The following SUGCT variants were observed in gnomAD, a reference collection of about 807,000 sequenced individuals.
SUGCT encodes the protein succinyl-CoA:glutarate CoA-transferase.
SUGCT carries 41 observed loss-of-function variants against 55.0 expected under a neutral mutation model. The observed-to-expected ratio is 0.74, with a 90% CI of 0.58 to 0.97. SUGCT has a LOEUF of 0.97. SUGCT is among the 50% of genes least tolerant of loss of function. SUGCT has a pLI of 0.00. For synonymous variants in SUGCT, 187 were observed against 200.4 expected (o/e 0.93, Z 0.56); for missense variants, 568 against 547.8 (o/e 1.04, Z -0.37).
At chr7:40,732,754 T>C (rs756159557) in intron 12 of SUGCT, among the ~76,000 whole-genome samples, 7 of 152,168 alleles carry the variant, frequency 4.6e-5, no homozygotes, top group Non-Finnish European at 1.0e-4. Context: ...GTGATATCCA[T>C]GTGACTATCC....
the SUGCT span, among the ~76,000 whole-genome samples, chr7:40,890,476 G>C: frequency 8.5e-4 from 128 of 151,158 alleles, no homozygotes; most frequent in African/African-American, 3.1e-3. Context: ...CATGGACCCA[G>C]GCTTCTGCCC....
chr7:40,571,498 C>G (rs1796446030), intron 12 of SUGCT, among the ~76,000 whole-genome samples: 2 of 152,092 alleles, frequency 1.3e-5, no homozygotes, highest in Non-Finnish European at 2.9e-5. Context: ...AAATTCTATA[C>G]TTTCTGTATA....
intron 12 of SUGCT, among the ~76,000 whole-genome samples, chr7:40,514,332 C>T (rs1410428155): frequency 2.0e-5 from 3 of 151,996 alleles, no homozygotes; most frequent in African/African-American, 7.3e-5. Flanking sequence ...CTGTGCAAGG[C>T]ATTATGCTAA....
intron 12 of SUGCT, among the ~76,000 whole-genome samples, chr7:40,512,310 A>G (rs1792972798): frequency 6.6e-6 from 1 of 152,184 alleles, no homozygotes; most frequent in South Asian, 2.1e-4. Context: ...TCACCTGGGA[A>G]ACTTTCCCAA....
intron 1 of SUGCT, among the ~76,000 whole-genome samples, chr7:40,148,038 C>T (rs1384137526): frequency 6.6e-6 from 1 of 152,066 alleles, no homozygotes; most frequent in African/African-American, 2.4e-5. Flanking sequence ...AGGGTTAGAC[C>T]GCACAGGCTA....
intron 8 of SUGCT, among the ~76,000 whole-genome samples, chr7:40,302,674 C>G (rs138779110): frequency 6.6e-6 from 1 of 152,164 alleles, no homozygotes; most frequent in African/African-American, 2.4e-5. Flanking sequence ...CTGAGCTTCA[C>G]CTTCCTTTAA....
intron 8 of SUGCT, among the ~76,000 whole-genome samples, chr7:40,304,647 T>C (rs1794745666): frequency 6.6e-6 from 1 of 150,828 alleles, no homozygotes; most frequent in Non-Finnish European, 1.5e-5. Flanking sequence ...CTTTGCATCC[T>C]CATAGCTTAA....
intron 6 of SUGCT, among the ~76,000 whole-genome samples, chr7:40,196,263 G>A (rs572843227): frequency 1.3e-5 from 2 of 152,254 alleles, no homozygotes; most frequent in South Asian, 4.1e-4. Context: ...ATAGAGAAAA[G>A]TGACTCATAA....
At chr7:40,669,760 A>T (rs1242401134) in intron 12 of SUGCT, among the ~76,000 whole-genome samples, 1 of 152,024 alleles carries the variant, frequency 6.6e-6, no homozygotes, top group Non-Finnish European at 1.5e-5. Context: ...TGGACGACAG[A>T]TAGAAAATAG....
At position 40,634,386 on chromosome 7, in the gene SUGCT, A is replaced by T. The variant is rs151059527; in HGVS notation, c.1090-115048A>T. Among the ~76,000 whole-genome samples the T allele has an allele frequency of 3.9e-5, 6 of 152,250 alleles. No homozygotes were observed. In the East Asian group the frequency reaches 1.2e-3, roughly 30 times the overall value. On this transcript the variant is annotated intron_variant, in intron 12 of 13. Transcript: ENST00000335693. The stretch of plus-strand genomic sequence containing the variant: ...GATGTCAAGGGCTGTGGTAGAAATG[A>T]TGTGGCCCAGAGAGGAATCAGCTAC...
intron 8 of SUGCT, among the ~76,000 whole-genome samples, chr7:40,299,382 A>G (rs1291762814): frequency 6.6e-6 from 1 of 152,208 alleles, no homozygotes; most frequent in African/African-American, 2.4e-5. Flanking sequence ...CAACTGGCTC[A>G]TTAAAACAAG....
chr7:40,392,831 T>G (rs1785518435), intron 9 of SUGCT, among the ~76,000 whole-genome samples: 1 of 151,980 alleles, frequency 6.6e-6, no homozygotes, highest in Non-Finnish European at 1.5e-5. Context: ...GTTTGAAAAA[T>G]AAATTTACAG....
At chr7:41,017,766 G>GT in the SUGCT span, among the ~76,000 whole-genome samples, 1 of 110,064 alleles carries the variant, frequency 9.1e-6, no homozygotes, top group African/African-American at 4.1e-5. Flanking sequence ...GTGAGAGTCC[G>GT]TCTCAAAAAA....
intron 12 of SUGCT, among the ~76,000 whole-genome samples, chr7:40,682,560 T>A (rs1784299629): frequency 6.6e-6 from 1 of 152,208 alleles, no homozygotes; most frequent in Non-Finnish European, 1.5e-5. Context: ...AGCACTCAGT[T>A]GATGTCCGCT....
At chr7:40,856,024 T>C (rs1414651082) in intron 13 of SUGCT, among the ~76,000 whole-genome samples, 1 of 152,220 alleles carries the variant, frequency 6.6e-6, no homozygotes, top group Non-Finnish European at 1.5e-5. Flanking sequence ...CTTAGTCCTA[T>C]TTCTAGTCCC....
intron 12 of SUGCT, among the ~76,000 whole-genome samples, chr7:40,500,584 T>G (rs1255525265): frequency 6.6e-6 from 1 of 152,170 alleles, no homozygotes; most frequent in Non-Finnish European, 1.5e-5. Context: ...TAGCAAATCT[T>G]TTGTATGGGA....
intron 8 of SUGCT, among the ~76,000 whole-genome samples, chr7:40,282,160 G>A (rs960424902): frequency 5.3e-5 from 8 of 151,854 alleles, no homozygotes; most frequent in African/African-American, 1.7e-4. Context: ...GTGTATTGTG[G>A]CACCTTTGTC....
intron 12 of SUGCT, among the ~76,000 whole-genome samples, chr7:40,515,716 C>T (rs1470118797): frequency 6.6e-6 from 1 of 152,080 alleles, no homozygotes; most frequent in Non-Finnish European, 1.5e-5. Flanking sequence ...AGCCATTTAT[C>T]TGTTATAGGC....
chr7:40,583,622 C>G (rs535406278), intron 12 of SUGCT, among the ~76,000 whole-genome samples: 26 of 152,272 alleles, frequency 1.7e-4, no homozygotes, highest in African/African-American at 6.3e-4. Context: ...CTTTTGGCAT[C>G]TACTACATGC....
Sources: allele counts gnomAD v4.1 joint callset (sites outside exome capture counted in the v4.1 genomes callset), GRCh38; gene constraint gnomAD v4.1.1; transcripts MANE v1.5; gene names NCBI Gene and HGNC (gene_info 2026-07-23, HGNC 2026-07-21).